KCNN3: variants seen among roughly 807,000 people sequenced by gnomAD.
The protein encoded by KCNN3 is potassium calcium-activated channel subfamily N member 3, also known as small conductance calcium-activated potassium channel protein 3.
KCNN3 carries 16 observed loss-of-function variants against 62.9 expected under a neutral mutation model. That is an observed-to-expected ratio of 0.25 (90% confidence interval 0.17 to 0.39). The LOEUF (loss-of-function observed/expected upper bound fraction) is 0.39. KCNN3 is among the 10% of genes least tolerant of loss of function. The pLI, the probability that KCNN3 is intolerant of heterozygous loss-of-function variation, is 1.00. For missense variants in KCNN3, 599 were observed against 949.4 expected (o/e 0.63, Z 4.85); for synonymous variants, 370 against 389.2 (o/e 0.95, Z 0.58).
chr1:154,745,210 G>T (rs1700913006), intron 3 of KCNN3, among the ~76,000 whole-genome samples: 1 of 152,202 alleles, frequency 6.6e-6, no homozygotes, highest in South Asian at 2.1e-4. Context: ...TCTAAATCTA[G>T]TCTTTTATTT....
At chr1:154,853,088 T>C (rs1265923067) in intron 1 of KCNN3, among the ~76,000 whole-genome samples, 2 of 151,478 alleles carry the variant, frequency 1.3e-5, no homozygotes, top group Non-Finnish European at 2.9e-5. Context: ...TTCCTGGGCT[T>C]ACGGGATCTT....
In KCNN3 at chr1:154,826,354, C is replaced by A. The variant is rs576679941; in HGVS notation, c.934-4170G>T. ...GTGATTTCTCATTGATGACAATAAT[C>A]TGTAATAAAGCACATCTATAGGGGC... On this transcript the variant is annotated intron_variant, in intron 1 of 7. Transcript: ENST00000271915. Among the ~76,000 whole-genome samples, 7 of 152,322 alleles carry A rather than the reference C, an allele frequency of 4.6e-5. No individual in the cohort carries two copies. The East Asian group carries it at 1.3e-3, about 29-fold the overall frequency.
intron 6 of KCNN3, among the ~76,000 whole-genome samples, chr1:154,714,300 G>T (rs1317712181): frequency 6.5e-5 from 6 of 92,336 alleles, no homozygotes; most frequent in African/African-American, 1.7e-4. Context: ...TGTGTATGGT[G>T]TGTGTGTGGT....
chr1:154,862,924 G>C lies in KCNN3; in HGVS notation c.933+6108C>G, dbSNP rs1652818989. On this transcript the variant is annotated intron_variant, in intron 1 of 7. Coordinates refer to ENST00000271915, the MANE Select transcript of KCNN3 (RefSeq NM_002249.6). The surrounding 1 kb of genome is among the most constrained non-coding windows in gnomAD (Gnocchi z 4.1). Reference sequence around the variant, plus strand: ...CAAGGGAAAGGGCATGAACTTGGGAGCTAAACGGGCTTGGGTTCTTATCTC... The same window carrying C: ...CAAGGGAAAGGGCATGAACTTGGGACCTAAACGGGCTTGGGTTCTTATCTC... Among the ~76,000 whole-genome samples the C allele has an allele frequency of 6.6e-6, 1 of 152,214 alleles. No homozygotes were observed. Among genetic ancestry groups the C allele is most frequent in the Non-Finnish European group, 1.5e-5 (1 of 68,038 alleles).
intron 2 of KCNN3, among the ~76,000 whole-genome samples, chr1:154,773,131 C>T (rs774797486): frequency 6.6e-6 from 1 of 151,894 alleles, no homozygotes; most frequent in Non-Finnish European, 1.5e-5. Context: ...GGGTACAGTA[C>T]CCAATAGTTA....
intron 1 of KCNN3, among the ~76,000 whole-genome samples, chr1:154,863,924 G>C (rs1652863060): frequency 6.6e-6 from 1 of 152,184 alleles, no homozygotes; most frequent in Non-Finnish European, 1.5e-5. Context: ...AAAGTTAGCT[G>C]TCCCCCTGTG....
At chr1:154,727,332 G>A (rs1406101732) in intron 4 of KCNN3, among the ~76,000 whole-genome samples, 1 of 152,200 alleles carries the variant, frequency 6.6e-6, no homozygotes, top group Admixed American at 6.5e-5. Flanking sequence ...GGCTCATCAG[G>A]TCTTACAAAA....
chr1:154,708,108 G>A lies in KCNN3; in HGVS notation c.2064C>T (p.Leu688=), dbSNP rs1217963475. 6.2e-7 allele frequency: 1 copy of A among 1,613,822 alleles called. No individual in the cohort carries two copies. Among genetic ancestry groups the A allele is most frequent in the Non-Finnish European group, 8.5e-7 (1 of 1,180,018 alleles). ...ADTLRQQQQQ[L]LSAIIEARGV... The stretch of plus-strand genomic sequence containing the variant: ...CCCGGGCCTCGATGATGGCAGACAG[G>A]AGCTGCTGCTGCTGCTGGCGCAGGG... The change falls in exon 8 of 8, where the codon CTC becomes CTT. Residue 688 remains leucine, a synonymous_variant. Coordinates refer to ENST00000271915, the MANE Select transcript of KCNN3 (RefSeq NM_002249.6).
chr1:154,776,223 G>A (rs1648785642), intron 2 of KCNN3, among the ~76,000 whole-genome samples: 1 of 152,196 alleles, frequency 6.6e-6, no homozygotes, highest in Non-Finnish European at 1.5e-5. Context: ...CAGGCCGTGC[G>A]TGACTTCTCC....
At chr1:154,714,735 C>CA (rs1700197767) in intron 6 of KCNN3, 141 bp downstream of exon 6, 13 of 1,170,812 alleles carry the variant, frequency 1.1e-5, no homozygotes, top group African/African-American at 1.5e-5. Flanking sequence ...CTGGTGCAGT[C>CA]AGTGAGTGAT....
chr1:154,762,299 G>A (rs1286585943), intron 3 of KCNN3, among the ~76,000 whole-genome samples: 3 of 152,106 alleles, frequency 2.0e-5, no homozygotes, highest in African/African-American at 4.8e-5. Flanking sequence ...CCCGCCCACC[G>A]CCAACAATAA....
intron 2 of KCNN3, among the ~76,000 whole-genome samples, chr1:154,806,820 A>G (rs1650190288): frequency 6.6e-6 from 1 of 152,172 alleles, no homozygotes; most frequent in African/African-American, 2.4e-5. Flanking sequence ...GCAGTTCTGT[A>G]TAATGTTCAT....
At chr1:154,750,175 C>T (rs575016650) in intron 3 of KCNN3, among the ~76,000 whole-genome samples, 1 of 152,310 alleles carries the variant, frequency 6.6e-6, no homozygotes, top group African/African-American at 2.4e-5. Flanking sequence ...GACAGCCAGT[C>T]GCACACACTT....
In KCNN3 at chr1:154,869,438, C is replaced by T. The variant is rs759220737; in HGVS notation, c.527G>A (p.Ser176Asn). 2 of 1,613,976 alleles carry T rather than the reference C, an allele frequency of 1.2e-6. No homozygotes were observed. Among genetic ancestry groups the T allele is most frequent in the South Asian group, 1.1e-5 (1 of 91,090 alleles). The change falls in exon 1 of 8, where the codon AGC (serine) becomes AAC (asparagine). Residue 176 changes from serine to asparagine, a missense_variant. By Grantham distance (46) the Ser-to-Asn change is conservative. Coordinates refer to ENST00000271915, the MANE Select transcript of KCNN3 (RefSeq NM_002249.6). This position sits in a 1 kb window ranked among gnomAD's most constrained non-coding sequence, Gnocchi z 6.1. ...GACCCCACCGCTATACTTGCAGGAG[C>T]TCATGGCGATCTCCGTGAAGGGGTT... ...DSNPFTEIAM[S>N]SCKYSGGVMK...
chr1:154,708,292 C>T lies in KCNN3; in HGVS notation c.1900-20G>A. 1.2e-6 allele frequency: 2 copies of T among 1,610,742 alleles called. No homozygotes were observed. The highest frequency in any genetic ancestry group is 1.7e-6 in the Non-Finnish European group (2 of 1,178,264). ...CTGCATCTGTGTGGAGAGAGAGAGG[C>T]GAGAGACAGGGAGATGACAGGTCAT... On this transcript the variant is annotated intron_variant, in intron 7 of 7. Coordinates refer to ENST00000271915, the MANE Select transcript of KCNN3 (RefSeq NM_002249.6).
intron 3 of KCNN3, among the ~76,000 whole-genome samples, chr1:154,740,651 C>T (rs552813448): frequency 4.6e-5 from 7 of 152,240 alleles, no homozygotes; most frequent in Non-Finnish European, 1.0e-4. Context: ...CTCATTAACA[C>T]TTGCCATTGT....
intron 3 of KCNN3, 200 bp downstream of exon 3, chr1:154,771,769 TCCCACC>T: frequency 3.1e-6 from 2 of 636,442 alleles, no homozygotes; most frequent in African/African-American, 1.8e-5. Context: ...TGTGCCTTTT[TCCCACC>T]TTACTTTGGT....
At chr1:154,817,233 T>C (rs1018253268) in intron 2 of KCNN3, among the ~76,000 whole-genome samples, 1 of 152,110 alleles carries the variant, frequency 6.6e-6, no homozygotes, top group Non-Finnish European at 1.5e-5. Context: ...AAGAAGCATT[T>C]AATAGGGACT....
At chr1:154,799,166 C>G in intron 2 of KCNN3, among the ~76,000 whole-genome samples, 1 of 152,210 alleles carries the variant, frequency 6.6e-6, no homozygotes, top group Middle Eastern at 3.2e-3. Context: ...ATCTGCCTGC[C>G]TCAGTCTCCC....
Sources: allele counts gnomAD v4.1 joint callset (sites outside exome capture counted in the v4.1 genomes callset), GRCh38; gene constraint gnomAD v4.1.1; non-coding constraint Gnocchi (gnomAD v3.1); transcripts MANE v1.5; gene names NCBI Gene and HGNC (gene_info 2026-07-23, HGNC 2026-07-21).